SLC35A3: variants seen among roughly 807,000 people sequenced by gnomAD.
SLC35A3 encodes the protein UDP-N-acetylglucosamine transporter.
In SLC35A3, 26 loss-of-function variants were observed where a neutral mutation model predicts 39.0. The observed-to-expected ratio is 0.67, with a 90% CI of 0.49 to 0.92. The LOEUF (loss-of-function observed/expected upper bound fraction) is 0.92, where lower values mean the gene tolerates loss of function less well. Among genes scored for constraint, SLC35A3 ranks in the 40% least tolerant of loss-of-function variants. The probability of loss-of-function intolerance (pLI) is 0.00; values close to 1 mark genes in which losing one functional copy is unlikely to be tolerated. For synonymous variants in SLC35A3, 135 were observed against 133.1 expected, an observed-to-expected ratio of 1.01 and a Z score of -0.10; for missense variants, 299 against 371.6, an observed-to-expected ratio of 0.80 and a Z score of 1.61.
At chr1:99,993,421 G>T in intron 1 of SLC35A3, 116 bp from the exon 2 acceptor site, 1 of 672,584 alleles carries the variant, frequency 1.5e-6, no homozygotes, top group Non-Finnish European at 2.4e-6. Flanking sequence ...TCTTTTTGGT[G>T]GCAGGTGGAG....
chr1:100,003,079 C>T (rs1241396866), intron 3 of SLC35A3, among the ~76,000 whole-genome samples: 1 of 151,970 alleles, frequency 6.6e-6, no homozygotes, highest in African/African-American at 2.4e-5. Flanking sequence ...TGCTGTATCT[C>T]ATAGGTTTTG....
intron 1 of SLC35A3, among the ~76,000 whole-genome samples, chr1:99,991,844 G>C (rs1341794887): frequency 6.6e-6 from 1 of 152,156 alleles, no homozygotes; most frequent in African/African-American, 2.4e-5. Flanking sequence ...CACCTCCCGA[G>C]TTCAAGCTAT....
chr1:99,992,730 AC>A, intron 1 of SLC35A3, among the ~76,000 whole-genome samples: 1 of 152,024 alleles, frequency 6.6e-6, no homozygotes, highest in South Asian at 2.1e-4. Flanking sequence ...CCAAGTTGAG[AC>A]CTTTTTTCTG....
chr1:99,987,739 G>C (rs1382955100), intron 1 of SLC35A3, among the ~76,000 whole-genome samples: 1 of 152,128 alleles, frequency 6.6e-6, no homozygotes, highest in East Asian at 1.9e-4. Context: ...CTTGGTTGTA[G>C]CAACCTGGTA....
rs745545616 is a variant in SLC35A3 at position 99,992,829 on chromosome 1, A to T, written c.-18-708A>T. Among the ~76,000 whole-genome samples the T allele has an allele frequency of 3.9e-5, 6 of 152,218 alleles. No homozygotes were observed. The South Asian group carries it at 1.2e-3, about 32-fold the overall frequency. On this transcript the variant is annotated intron_variant, in intron 1 of 7. Transcript: ENST00000533028. ...ACTCTGTTTCCTATTTAAATCTTCT[A>T]TGTTAATAGACAGCCACTGGGGAGG...
At chr1:99,999,141 G>A in intron 2 of SLC35A3, 120 bp from the exon 3 acceptor site, 1 of 495,824 alleles carries the variant, frequency 2.0e-6, no homozygotes, top group South Asian at 4.8e-5. Context: ...AGTCCTAAAA[G>A]TATCTTGACA....
At chr1:99,984,622 T>C (rs1657644915) in intron 1 of SLC35A3, among the ~76,000 whole-genome samples, 1 of 152,400 alleles carries the variant, frequency 6.6e-6, no homozygotes, top group Non-Finnish European at 1.5e-5. Flanking sequence ...CTGGATCAAA[T>C]GGTAGTTCTA....
At position 100,034,284 on chromosome 1, in the gene SLC35A3, G is replaced by C. The variant is rs1440368698; in HGVS notation, c.*11808G>C. 6.6e-6 allele frequency: 1 copy of C among 151,454 alleles called. No individual in the cohort carries two copies. Among genetic ancestry groups the C allele is most frequent in the African/African-American group, 2.4e-5 (1 of 41,178 alleles). 9.4% of individuals were successfully genotyped at this position (151,454 alleles called of 1,614,324 possible). ...TATTTCTTACTTTACTTTTATTTGTGTCTCTCAGGTACCCTGTGATTTAGT... is the reference window on the plus strand; with the variant it reads ...TATTTCTTACTTTACTTTTATTTGTCTCTCTCAGGTACCCTGTGATTTAGT... On this transcript the variant is annotated 3_prime_UTR_variant, in exon 8 of 8. Coordinates refer to ENST00000533028, the MANE Select transcript of SLC35A3 (RefSeq NM_012243.3).
intron 1 of SLC35A3, among the ~76,000 whole-genome samples, chr1:99,981,787 T>G (rs1657464205): frequency 6.6e-6 from 1 of 151,816 alleles, no homozygotes. Context: ...AGCCTGTGTA[T>G]GAATTTTAGT....
At chr1:100,001,972 A>G (rs1426759961) in intron 3 of SLC35A3, among the ~76,000 whole-genome samples, 1 of 152,204 alleles carries the variant, frequency 6.6e-6, no homozygotes, top group Non-Finnish European at 1.5e-5. Flanking sequence ...TATGGTAAAC[A>G]ATCTTTTTTA....
At chr1:100,018,154 C>A (rs1043955916) in intron 7 of SLC35A3, among the ~76,000 whole-genome samples, 1 of 152,050 alleles carries the variant, frequency 6.6e-6, no homozygotes, top group Admixed American at 6.5e-5. Flanking sequence ...TACATGACTT[C>A]CTTGAAGGAG....
At chr1:99,997,211 C>G (rs1658449542) in intron 2 of SLC35A3, among the ~76,000 whole-genome samples, 1 of 151,464 alleles carries the variant, frequency 6.6e-6, no homozygotes, top group Non-Finnish European at 1.5e-5. Context: ...GGTAGTTATG[C>G]AACACAATTC....
At chr1:99,992,110 C>T (rs1658125033) in intron 1 of SLC35A3, among the ~76,000 whole-genome samples, 1 of 152,100 alleles carries the variant, frequency 6.6e-6, no homozygotes, top group Non-Finnish European at 1.5e-5. Context: ...TTTCTATATT[C>T]TTACTGGGTT....
chr1:99,992,103 C>T (rs1397126551), intron 1 of SLC35A3, among the ~76,000 whole-genome samples: 1 of 152,082 alleles, frequency 6.6e-6, no homozygotes, highest in Non-Finnish European at 1.5e-5. Context: ...TTCAGATTTT[C>T]TATATTCTTA....
intron 7 of SLC35A3, among the ~76,000 whole-genome samples, chr1:100,018,077 A>G (rs1660281772): frequency 6.6e-6 from 1 of 152,238 alleles, no homozygotes; most frequent in African/African-American, 2.4e-5. Flanking sequence ...AGTGATATAA[A>G]AAAGTTAATA....
chr1:99,977,735 G>A (rs1215190228), intron 1 of SLC35A3, among the ~76,000 whole-genome samples: 1 of 152,106 alleles, frequency 6.6e-6, no homozygotes, highest in African/African-American at 2.4e-5. Flanking sequence ...GACAGAGTCC[G>A]ACTATGTTGC....
intron 1 of SLC35A3, among the ~76,000 whole-genome samples, chr1:99,992,794 A>C (rs886288315): frequency 1.3e-5 from 2 of 152,098 alleles, no homozygotes; most frequent in African/African-American, 2.4e-5. Flanking sequence ...AACTTTTTGC[A>C]TATTATGAGA....
intron 2 of SLC35A3, among the ~76,000 whole-genome samples, chr1:99,996,819 A>G (rs1658425543): frequency 6.6e-6 from 1 of 152,060 alleles, no homozygotes; most frequent in Non-Finnish European, 1.5e-5. Context: ...TTCAACTATT[A>G]TTTTGGGTTG....
intron 1 of SLC35A3, among the ~76,000 whole-genome samples, chr1:99,987,832 G>C (rs1286148161): frequency 6.6e-6 from 1 of 152,110 alleles, no homozygotes; most frequent in Non-Finnish European, 1.5e-5. Flanking sequence ...GTAGAAGTTG[G>C]ACTCATGGAA....
Sources: gnomAD v4.1 joint callset for allele counts (sites outside exome capture counted in the v4.1 genomes callset) on GRCh38, gnomAD v4.1.1 for gene constraint, MANE v1.5 for transcripts, NCBI Gene and HGNC (gene_info 2026-07-23, HGNC 2026-07-21) for gene names.